The following FBXL13 variants were observed in gnomAD, a reference collection of about 807,000 sequenced individuals.
FBXL13 encodes the protein F-box and leucine-rich repeat protein 13.
A neutral mutation model predicts 83.6 loss-of-function variants in FBXL13; 67 were observed. That is an observed-to-expected ratio of 0.80 (90% CI 0.66 to 0.98). FBXL13 has a LOEUF of 0.98. Ranked by LOEUF, FBXL13 falls within the 50% of genes least tolerant of loss-of-function variation. The pLI is 0.00. For synonymous variants in FBXL13, 272 were observed against 299.5 expected (o/e 0.91, Z 0.95); for missense variants, 822 against 866.5 (o/e 0.95, Z 0.64).
At chr7:103,003,338 A>G (rs1442926433) in intron 6 of FBXL13, among the ~76,000 whole-genome samples, 8 of 118,686 alleles carry the variant, frequency 6.7e-5, no homozygotes, top group Admixed American at 6.1e-4. Context: ...CCCAGGCTGG[A>G]GTGCAGTGGT....
chr7:102,974,070 A>C (rs1827125782), intron 6 of FBXL13, among the ~76,000 whole-genome samples: 1 of 152,022 alleles, frequency 6.6e-6, no homozygotes, highest in Non-Finnish European at 1.5e-5. Context: ...ATTCCAAAAA[A>C]CAGCCCTCTA....
At chr7:103,056,418 AGT>A (rs1797342620) in intron 1 of FBXL13, among the ~76,000 whole-genome samples, 1 of 152,092 alleles carries the variant, frequency 6.6e-6, no homozygotes, top group Non-Finnish European at 1.5e-5. Flanking sequence ...ATCAAATGGT[AGT>A]TCTACGTTTA....
intron 17 of FBXL13, among the ~76,000 whole-genome samples, chr7:102,835,603 GTTTTT>G (rs776220490): frequency 1.2e-3 from 118 of 97,504 alleles, no homozygotes; most frequent in Admixed American, 2.0e-3. Context: ...AGGTGACATT[GTTTTT>G]TTTTTTTTTT....
At chr7:102,836,885 A>G (rs1300295827) in intron 17 of FBXL13, among the ~76,000 whole-genome samples, 3 of 152,268 alleles carry the variant, frequency 2.0e-5, no homozygotes, top group East Asian at 1.9e-4. Context: ...TTCGTGTTGC[A>G]TACTCATAAC....
chr7:102,928,384 T>G (rs1818526459), intron 9 of FBXL13, among the ~76,000 whole-genome samples: 1 of 152,234 alleles, frequency 6.6e-6, no homozygotes, highest in Non-Finnish European at 1.5e-5. Flanking sequence ...TCTTTCTGAA[T>G]GTAATATATT....
At chr7:102,969,249 A>G (rs1043138170) in intron 6 of FBXL13, among the ~76,000 whole-genome samples, 1 of 152,194 alleles carries the variant, frequency 6.6e-6, no homozygotes, top group Non-Finnish European at 1.5e-5. Context: ...GTTTAAATAT[A>G]TACTTATCAT....
At chr7:103,025,169 G>A in exon 6 of FBXL13, 12 of 1,610,052 alleles carry the variant, frequency 7.5e-6, no homozygotes, top group Non-Finnish European at 1.0e-5. Flanking sequence ...TTCTTCTGCA[G>A]CAGCTCTTTT....
chr7:102,911,410 T>C (rs1814660558), intron 11 of FBXL13, among the ~76,000 whole-genome samples: 2 of 152,330 alleles, frequency 1.3e-5, no homozygotes, highest in African/African-American at 4.8e-5. Flanking sequence ...GGATTTATAG[T>C]TAAGGGGCAG....
intron 6 of FBXL13, among the ~76,000 whole-genome samples, chr7:103,015,667 C>T (rs1792207246): frequency 6.6e-6 from 1 of 151,998 alleles, no homozygotes; most frequent in African/African-American, 2.4e-5. Context: ...TTTGGTGGCC[C>T]ATGCCTGTAA....
Position 102,813,506 on chromosome 7 carries a change from TA to T in FBXL13, c.2043del (p.Val683PhefsTer30). On this transcript the variant is annotated frameshift_variant, in exon 20 of 20. Transcript: ENST00000313221. LOFTEE classifies it low-confidence loss of function (END_TRUNC). Reference sequence around the variant, plus strand: ...GTGTTGTATTCCTGCTGCTGAACTTTAGATGACATTCTTTGAGCTGCCTTCC... The same window carrying T: ...GTGTTGTATTCCTGCTGCTGAACTTTGATGACATTCTTTGAGCTGCCTTCC... The T allele has an allele frequency of 6.2e-7, 1 of 1,614,046 alleles. No homozygotes were observed. Among genetic ancestry groups the T allele is most frequent in the Non-Finnish European group, 8.5e-7 (1 of 1,179,956 alleles).
At chr7:102,934,272 T>C in intron 8 of FBXL13, 1 of 1,614,180 alleles carries the variant, frequency 6.2e-7, no homozygotes, top group Non-Finnish European at 8.5e-7. Context: ...ATCTCTAAAA[T>C]TGAGAGTGAG....
chr7:102,836,201 A>T (rs554669792), intron 17 of FBXL13, among the ~76,000 whole-genome samples: 21 of 152,334 alleles, frequency 1.4e-4, no homozygotes, highest in African/African-American at 5.1e-4. Flanking sequence ...TTTAAAACTA[A>T]CTTAAAAATG....
intron 1 of FBXL13, among the ~76,000 whole-genome samples, chr7:103,061,435 A>G (rs750786121): frequency 2.6e-5 from 4 of 152,174 alleles, no homozygotes; most frequent in Admixed American, 6.5e-5. Context: ...CTCAGGAACT[A>G]CACGTGTAAA....
chr7:102,916,670 G>A (rs1252661793), intron 10 of FBXL13, among the ~76,000 whole-genome samples: 9 of 152,244 alleles, frequency 5.9e-5, no homozygotes, highest in Non-Finnish European at 4.4e-5. Context: ...TCCCCTACAT[G>A]AGTAAGATCT....
chr7:102,982,222 C>T (rs143236569), intron 6 of FBXL13, among the ~76,000 whole-genome samples: 25 of 152,194 alleles, frequency 1.6e-4, no homozygotes, highest in African/African-American at 4.6e-4. Context: ...TATCATTGTG[C>T]GTCCTGGTGT....
exon 18 of FBXL13, chr7:102,832,876 A>C (rs1368742662): frequency 5.6e-6 from 9 of 1,614,116 alleles, no homozygotes; most frequent in Non-Finnish European, 7.6e-6. Flanking sequence ...ATGTGAGGTT[A>C]ATGCAGTAAA....
intron 8 of FBXL13, among the ~76,000 whole-genome samples, chr7:102,941,846 A>G (rs1305458492): frequency 1.3e-5 from 2 of 152,252 alleles, no homozygotes; most frequent in Non-Finnish European, 2.9e-5. Context: ...CAACAAAACT[A>G]GTATACAAAG....
intron 8 of FBXL13, among the ~76,000 whole-genome samples, chr7:102,937,085 T>C (rs566646104): frequency 1.3e-5 from 2 of 152,294 alleles, no homozygotes; most frequent in African/African-American, 4.8e-5. Flanking sequence ...TGAAACACAA[T>C]ATAAATAAGG....
chr7:102,935,139 C>T (rs755997805), intron 8 of FBXL13, among the ~76,000 whole-genome samples: 3 of 151,614 alleles, frequency 2.0e-5, no homozygotes, highest in Non-Finnish European at 4.4e-5. Flanking sequence ...TGTGAGAGCA[C>T]TCTGAGACAG....
Sources: allele counts gnomAD v4.1 joint callset (sites outside exome capture counted in the v4.1 genomes callset), GRCh38; gene constraint gnomAD v4.1.1; transcripts MANE v1.5; gene names NCBI Gene and HGNC (gene_info 2026-07-23, HGNC 2026-07-21).